The following NLGN1 variants were observed in gnomAD, a reference collection of about 807,000 sequenced individuals.
NLGN1 encodes neuroligin-1.
NLGN1 carries 12 observed loss-of-function variants against 65.5 expected under a neutral mutation model. The observed-to-expected ratio is 0.18, with a 90% CI of 0.12 to 0.30. NLGN1 has a LOEUF of 0.30. Among genes scored for constraint, NLGN1 ranks in the 10% least tolerant of loss-of-function variants. The pLI, the probability that NLGN1 is intolerant of heterozygous loss-of-function variation, is 1.00. For missense variants in NLGN1, 750 were observed against 1,007.1 expected (o/e 0.74, Z 3.46); for synonymous variants, 350 against 359.5 (o/e 0.97, Z 0.30).
At chr3:174,030,781 AAC>A (rs1386099515) in intron 4 of NLGN1, among the ~76,000 whole-genome samples, 1 of 152,194 alleles carries the variant, frequency 6.6e-6, no homozygotes, top group Non-Finnish European at 1.5e-5. Flanking sequence ...ATACCAAGGA[AAC>A]TAAGTTCTAA....
chr3:173,956,403 CCTT>C (rs1183859437), intron 4 of NLGN1, among the ~76,000 whole-genome samples: 2 of 152,136 alleles, frequency 1.3e-5, no homozygotes, highest in African/African-American at 2.4e-5. Flanking sequence ...TCCTCTTCCT[CCTT>C]CTTCCCTTAT....
At chr3:174,219,065 G>A (rs981727994) in intron 4 of NLGN1, among the ~76,000 whole-genome samples, 1 of 152,056 alleles carries the variant, frequency 6.6e-6, no homozygotes, top group Non-Finnish European at 1.5e-5. Context: ...ATACCCAAGT[G>A]TATTTCAGGC....
At chr3:174,092,477 G>C (rs1744702233) in intron 4 of NLGN1, among the ~76,000 whole-genome samples, 1 of 151,426 alleles carries the variant, frequency 6.6e-6, no homozygotes, top group South Asian at 2.1e-4. Flanking sequence ...TTTGCTTCCT[G>C]TTAAAAACAC....
intron 3 of NLGN1, among the ~76,000 whole-genome samples, chr3:173,738,864 A>G (rs1379484711): frequency 3.3e-5 from 5 of 152,118 alleles, no homozygotes; most frequent in Non-Finnish European, 7.4e-5. Flanking sequence ...GCAAGAGGCA[A>G]AAACATTTGA....
intron 2 of NLGN1, among the ~76,000 whole-genome samples, chr3:173,491,398 T>C (rs1729138094): frequency 6.6e-6 from 1 of 151,874 alleles, no homozygotes; most frequent in Non-Finnish European, 1.5e-5. Flanking sequence ...GGATTATGTT[T>C]ATTGATTTTC....
rs71162383 is a variant in NLGN1 at position 174,255,435 on chromosome 3, C to CAAAAAAAAAAAAAAAAAAAAAAAA, written c.647-19859_647-19858insAAAAAAAAAAAAAAAAAAAAAAAA. 3.0e-4 allele frequency among the ~76,000 whole-genome samples: 21 copies of CAAAAAAAAAAAAAAAAAAAAAAAA among 70,232 alleles called. 3 individuals are homozygous for CAAAAAAAAAAAAAAAAAAAAAAAA. The highest frequency in any genetic ancestry group is 1.0e-3 in the African/African-American group (13 of 12,948). The allele number at this position is 70,232 out of a possible 152,430, so 46.1% of individuals were successfully genotyped here. ...TAGGCGATAGAGCAAGACTCTGTCT[C>CAAAAAAAAAAAAAAAAAAAAAAAA]AAAAAAAAAAAAAAAAAAAAAGCGC... is the stretch of plus-strand genomic sequence containing the variant. On this transcript the variant is annotated intron_variant, in intron 4 of 6. Transcript: ENST00000457714.
intron 2 of NLGN1, among the ~76,000 whole-genome samples, chr3:173,562,272 A>T (rs1218115503): frequency 1.3e-5 from 2 of 152,194 alleles, no homozygotes; most frequent in Non-Finnish European, 2.9e-5. Flanking sequence ...AATTCAACTA[A>T]TAAAGACAAT....
rs574406996 is a variant in NLGN1 at position 173,412,075 on chromosome 3, A to G, written c.-390+13588A>G. On this transcript the variant is annotated intron_variant, in intron 1 of 6. Coordinates refer to ENST00000457714, the Ensembl canonical transcript of NLGN1. ...TGTGAATGGTAATTGCCTGGCTGCA[A>G]TCCAGAAAGTAAATCATATTTCAAA... Among the ~76,000 whole-genome samples the G allele has an allele frequency of 3.3e-5, 5 of 152,290 alleles. No homozygotes were observed. The East Asian group carries it at 5.8e-4, about 18-fold the overall frequency.
intron 4 of NLGN1, among the ~76,000 whole-genome samples, chr3:174,027,203 G>A (rs1312150587): frequency 6.6e-6 from 1 of 152,042 alleles, no homozygotes; most frequent in Non-Finnish European, 1.5e-5. Context: ...TCCTAAAAAT[G>A]TTCTTTATCC....
At chr3:173,488,394 T>A (rs912235782) in intron 2 of NLGN1, among the ~76,000 whole-genome samples, 1 of 152,098 alleles carries the variant, frequency 6.6e-6, no homozygotes, top group African/African-American at 2.4e-5. Context: ...TATTTTTTAT[T>A]TTCCCCCACT....
chr3:173,715,779 C>A (rs1455169707), intron 3 of NLGN1, among the ~76,000 whole-genome samples: 1 of 152,008 alleles, frequency 6.6e-6, no homozygotes, highest in African/African-American at 2.4e-5. Context: ...CAAGTATAAA[C>A]AGTCACAAAC....
intron 3 of NLGN1, among the ~76,000 whole-genome samples, chr3:173,758,354 T>C (rs918528264): frequency 1.3e-5 from 2 of 152,096 alleles, no homozygotes; most frequent in Admixed American, 1.3e-4. Context: ...AATGGACATA[T>C]GGAAATTTAT....
intron 4 of NLGN1, among the ~76,000 whole-genome samples, chr3:174,128,823 CT>C (rs1719518309): frequency 3.3e-5 from 5 of 152,086 alleles, no homozygotes. Flanking sequence ...ATCATAAAGC[CT>C]GTCCTGATTA....
At chr3:173,468,342 C>T (rs1021502979) in intron 2 of NLGN1, among the ~76,000 whole-genome samples, 1 of 152,040 alleles carries the variant, frequency 6.6e-6, no homozygotes, top group Non-Finnish European at 1.5e-5. Context: ...TTTCAAACCT[C>T]TTGGAACTTC....
intron 3 of NLGN1, among the ~76,000 whole-genome samples, chr3:173,716,908 G>A (rs1186009750): frequency 6.6e-6 from 1 of 152,018 alleles, no homozygotes; most frequent in East Asian, 1.9e-4. Context: ...GGGGTGGGGG[G>A]TCTGCCTCAT....
chr3:173,761,417 C>T (rs1160725362), intron 3 of NLGN1, among the ~76,000 whole-genome samples: 3 of 151,832 alleles, frequency 2.0e-5, no homozygotes, highest in Non-Finnish European at 4.4e-5. Context: ...GACATGGAGT[C>T]GATGGGTAAG....
chr3:173,621,916 A>T (rs188163193), intron 3 of NLGN1, among the ~76,000 whole-genome samples: 1 of 152,268 alleles, frequency 6.6e-6, no homozygotes, highest in Admixed American at 6.6e-5. Context: ...ATTCTTGTCA[A>T]TATAAAGGTA....
chr3:174,290,615 A>ATT (rs1752660315), downstream of NLGN1, among the ~76,000 whole-genome samples: 1 of 151,130 alleles, frequency 6.6e-6, no homozygotes, highest in South Asian at 2.1e-4. Context: ...GTTTTTTTAA[A>ATT]TGACTATAAG....
chr3:173,411,839 C>G (rs986075749), intron 1 of NLGN1, among the ~76,000 whole-genome samples: 1 of 152,080 alleles, frequency 6.6e-6, no homozygotes, highest in African/African-American at 2.4e-5. Flanking sequence ...AAAATTAATA[C>G]TAGTGGCAGC....
Sources: gnomAD v4.1 joint callset for allele counts (sites outside exome capture counted in the v4.1 genomes callset) on GRCh38, gnomAD v4.1.1 for gene constraint, MANE v1.5 for transcripts, NCBI Gene and HGNC (gene_info 2026-07-23, HGNC 2026-07-21) for gene names.